The following SULT1C2 variants were observed in gnomAD, a reference collection of about 807,000 sequenced individuals.
SULT1C2 encodes sulfotransferase 1C2.
SULT1C2 carries 27 observed loss-of-function variants against 36.0 expected under a neutral mutation model. The ratio of observed to expected loss-of-function variants is 0.75; its 90% CI spans 0.55 to 1.03. The LOEUF (loss-of-function observed/expected upper bound fraction) is 1.03. Ranked by LOEUF, SULT1C2 falls within the 50% of genes least tolerant of loss-of-function variation. The pLI is 0.00. For missense variants in SULT1C2, 395 were observed against 359.2 expected, an observed-to-expected ratio of 1.10 and a Z score of -0.80; for synonymous variants, 121 against 116.0, an observed-to-expected ratio of 1.04 and a Z score of -0.27.
intron 3 of SULT1C2, chr2:108,299,778 T>C (rs1169539976): frequency 1.3e-5 from 2 of 152,162 alleles, no homozygotes; most frequent in Non-Finnish European, 2.9e-5. Flanking sequence ...TACCTGTACA[T>C]CTACATTCAA....
intron 4 of SULT1C2, chr2:108,304,024 G>A (rs1676954751): frequency 6.6e-6 from 1 of 152,284 alleles, no homozygotes; most frequent in Non-Finnish European, 1.5e-5. Context: ...TTGGTAAAAT[G>A]AAAGGTTGGG....
Position 108,293,744 on chromosome 2 carries a change from T to C in SULT1C2, c.77T>C (p.Val26Ala), listed in dbSNP as rs1210194505. 1.9e-6 allele frequency: 3 copies of C among 1,613,932 alleles called. No homozygotes were observed. The highest frequency in any genetic ancestry group is 2.5e-6 in the Non-Finnish European group (3 of 1,180,006). ...GGGACCCTCCTGCAGCCTGCAACTG[T>C]GGACAACTGGAGCCAGATCCAGAGC... Reference protein sequence around the residue: ...VEGTLLQPATVDNWSQIQSFE... With the variant: ...VEGTLLQPATADNWSQIQSFE... The change falls in exon 2 of 8, where the codon GTG (valine) becomes GCG (alanine). Residue 26 changes from valine to alanine, a missense_variant. Transcript: ENST00000251481.
intron 7 of SULT1C2, among the ~76,000 whole-genome samples, chr2:108,306,775 G>A (rs1193148915): frequency 6.6e-6 from 1 of 151,988 alleles, no homozygotes; most frequent in East Asian, 1.9e-4. Flanking sequence ...GCGTGGTGGT[G>A]CACGCCTGTA....
In SULT1C2 at chr2:108,305,403, C is replaced by T. The variant is rs765061631; in HGVS notation, c.598-12C>T. On this transcript the variant is annotated splice_polypyrimidine_tract_variant and intron_variant, in intron 6 of 7. Coordinates refer to ENST00000251481, the MANE Select transcript of SULT1C2 (RefSeq NM_001056.4). ...TCTCATTCATTCCAGTCCAATGTTA[C>T]CCTTGCCGCAGGACCCAAAGCATGA... 3 of 1,613,192 alleles carry T rather than the reference C, an allele frequency of 1.9e-6. No homozygotes were observed. Among genetic ancestry groups the T allele is most frequent in the Non-Finnish European group, 2.5e-6 (3 of 1,179,472 alleles).
At chr2:108,292,296 A>T (rs1262449015) in intron 1 of SULT1C2, among the ~76,000 whole-genome samples, 1 of 152,066 alleles carries the variant, frequency 6.6e-6, no homozygotes, top group African/African-American at 2.4e-5. Flanking sequence ...TGTCTTCTGG[A>T]ACCCCAGTAG....
intron 3 of SULT1C2, among the ~76,000 whole-genome samples, chr2:108,297,044 A>G (rs1350654387): frequency 1.3e-5 from 2 of 152,212 alleles, no homozygotes; most frequent in African/African-American, 4.8e-5. Flanking sequence ...AGACTTTGAA[A>G]AGACCTGTGT....
At chr2:108,300,786 C>T (rs562535851) in intron 3 of SULT1C2, 52 bp from the exon 4 acceptor site, 585 of 1,611,184 alleles carry the variant, frequency 3.6e-4, no homozygotes, top group Non-Finnish European at 4.6e-4. Context: ...ATCATGAGGT[C>T]CCCATGTAGT....
At chr2:108,307,883 C>T (rs1052881645) in intron 7 of SULT1C2, among the ~76,000 whole-genome samples, 1 of 152,188 alleles carries the variant, frequency 6.6e-6, no homozygotes, top group Non-Finnish European at 1.5e-5. Context: ...TGTCTACCTC[C>T]AGGGACAACC....
At chr2:108,293,575 A>C (rs1342190186) in intron 1 of SULT1C2, 72 bp from the exon 2 acceptor site, 15 of 1,433,516 alleles carry the variant, frequency 1.0e-5, no homozygotes, top group Non-Finnish European at 1.4e-5. Flanking sequence ...ACGATGGTTA[A>C]AATGATCAAT....
Position 108,300,829 on chromosome 2 carries a change from A to C in SULT1C2, c.278-9A>C. On this transcript the variant is annotated splice_polypyrimidine_tract_variant and intron_variant, in intron 3 of 7. Transcript: ENST00000251481. Reference sequence around the variant, plus strand: ...CTACGCAGATGTTTCCTCTTGAGCTATTTTAAAGGTGTGGAAAAAGCCAAA... The same window carrying C: ...CTACGCAGATGTTTCCTCTTGAGCTCTTTTAAAGGTGTGGAAAAAGCCAAA... 1 of 1,614,162 alleles carries C rather than the reference A, an allele frequency of 6.2e-7. No individual in the cohort carries two copies. The highest frequency in any genetic ancestry group is 8.5e-7 in the Non-Finnish European group (1 of 1,180,024).
intron 1 of SULT1C2, 86 bp from the exon 2 acceptor site, chr2:108,293,561 C>T: frequency 2.3e-6 from 3 of 1,326,724 alleles, no homozygotes; most frequent in South Asian, 3.0e-5. Context: ...GAACTGTACA[C>T]CTAACGATGG....
intron 3 of SULT1C2, among the ~76,000 whole-genome samples, chr2:108,297,618 A>C (rs1235191780): frequency 6.6e-6 from 1 of 152,018 alleles, no homozygotes; most frequent in East Asian, 1.9e-4. Context: ...CTCCACCCTG[A>C]GTCTGAGCAA....
rs1308025512 is a variant in SULT1C2, at chr2:108,293,725, C to A, written c.58C>A (p.Leu20Ile). Residue 20 changes from leucine (L) to isoleucine (I), a missense_variant, in exon 2 of 8, where the codon CTC (leucine) becomes ATC (isoleucine). By Grantham distance (5) the Leu-to-Ile change is conservative (BLOSUM62 2). Coordinates refer to ENST00000251481, the MANE Select transcript of SULT1C2 (RefSeq NM_001056.4). ...QIKLKEVEGT[L>I]LQPATVDNWS... is the part of the protein sequence containing the mutation. ...AAAACTGAAAGAGGTGGAGGGGACC[C>A]TCCTGCAGCCTGCAACTGTGGACAA... 1 of 1,614,120 alleles carries A rather than the reference C, an allele frequency of 6.2e-7. No individual in the cohort carries two copies. The highest frequency in any genetic ancestry group is 8.5e-7 in the Non-Finnish European group (1 of 1,180,014).
At position 108,293,643 on chromosome 2, in the gene SULT1C2, A is replaced by T; in HGVS notation, c.-21-4A>T. The T allele has an allele frequency of 6.3e-7, 1 of 1,583,208 alleles. No homozygotes were observed. The highest frequency in any genetic ancestry group is 1.2e-5 in the South Asian group (1 of 86,314). ...TAAAAATCTCCTCTATTCTTTTCCC[A>T]TAGGGACCCCAACCCTGAGACACTA... On this transcript the variant is annotated splice_region_variant and splice_polypyrimidine_tract_variant and intron_variant, in intron 1 of 7. Transcript: ENST00000251481.
intron 7 of SULT1C2, among the ~76,000 whole-genome samples, chr2:108,305,953 C>A (rs1677015450): frequency 6.6e-6 from 1 of 152,220 alleles, no homozygotes; most frequent in Non-Finnish European, 1.5e-5. Flanking sequence ...CAGGACTCAG[C>A]AGCAGGAGGG....
At chr2:108,300,048 A>G (rs2104418994) in intron 3 of SULT1C2, 1 of 152,320 alleles carries the variant, frequency 6.6e-6, no homozygotes, top group South Asian at 2.1e-4. Context: ...TCAGCTTAAC[A>G]CGATGATTGC....
At position 108,293,826 on chromosome 2, in the gene SULT1C2, C is replaced by T; in HGVS notation, c.151+8C>T. ...GCACCTACCCTAAAGCAGGTGATTG[C>T]AGGGTAGGAGGGACAGCAAAGACCT... On this transcript the variant is annotated splice_region_variant and intron_variant, in intron 2 of 7. Coordinates refer to ENST00000251481, the MANE Select transcript of SULT1C2 (RefSeq NM_001056.4). The T allele has an allele frequency of 6.2e-7, 1 of 1,613,062 alleles. No homozygotes were observed. The highest frequency in any genetic ancestry group is 2.2e-5 in the East Asian group (1 of 44,856).
intron 3 of SULT1C2, among the ~76,000 whole-genome samples, chr2:108,294,746 G>T (rs1236428385): frequency 6.6e-6 from 1 of 151,542 alleles, no homozygotes; most frequent in Non-Finnish European, 1.5e-5. Flanking sequence ...CAGCCAGGAG[G>T]GTATCCAAGA....
At chr2:108,298,139 T>G (rs1327771934) in intron 3 of SULT1C2, among the ~76,000 whole-genome samples, 1 of 152,242 alleles carries the variant, frequency 6.6e-6, no homozygotes, top group Non-Finnish European at 1.5e-5. Context: ...ACAGTCCAAC[T>G]CCATCCATAA....
Sources: allele counts gnomAD v4.1 joint callset (sites outside exome capture counted in the v4.1 genomes callset), GRCh38; gene constraint gnomAD v4.1.1; transcripts MANE v1.5; gene names NCBI Gene and HGNC (gene_info 2026-07-23, HGNC 2026-07-21).